LRRC1: variants seen among roughly 807,000 people sequenced by gnomAD.
LRRC1 encodes leucine rich repeat containing 1.
Under a neutral mutation model 69.9 loss-of-function variants are expected in LRRC1, and 28 were observed. The observed-to-expected ratio is 0.40, with a 90% CI of 0.30 to 0.55. The LOEUF (loss-of-function observed/expected upper bound fraction) is 0.55, where lower values mean the gene tolerates loss of function less well. Among genes scored for constraint, LRRC1 ranks in the 20% least tolerant of loss-of-function variants. LRRC1 has a pLI of 0.47. For synonymous variants in LRRC1, 236 were observed against 240.2 expected (o/e 0.98, Z 0.16); for missense variants, 498 against 609.0 (o/e 0.82, Z 1.92).
intron 2 of LRRC1, among the ~76,000 whole-genome samples, chr6:53,863,880 C>CAA (rs1320576065): frequency 2.0e-5 from 3 of 152,150 alleles, no homozygotes; most frequent in East Asian, 3.9e-4. Flanking sequence ...AACAACAGTC[C>CAA]TTTTAAGTAA....
At position 53,916,373 on chromosome 6, in the gene LRRC1, A is replaced by G. The variant is rs545963100; in HGVS notation, c.1106+2404A>G. Reference sequence around the variant, plus strand: ...AAATAATTAAAAATATTAAAAGACAAACAACAGCATACTGTTGTGGAATAC... The same window carrying G: ...AAATAATTAAAAATATTAAAAGACAGACAACAGCATACTGTTGTGGAATAC... On this transcript the variant is annotated intron_variant, in intron 11 of 13. Transcript: ENST00000370888. Among the ~76,000 whole-genome samples, 24 of 152,310 alleles carry G rather than the reference A, an allele frequency of 1.6e-4. No homozygotes were observed. The South Asian group carries it at 5.0e-3, about 32-fold the overall frequency.
intron 4 of LRRC1, among the ~76,000 whole-genome samples, chr6:53,890,227 T>C (rs1226295435): frequency 6.6e-6 from 1 of 152,234 alleles, no homozygotes; most frequent in Non-Finnish European, 1.5e-5. Flanking sequence ...TTAACTGAGT[T>C]GTCTTCTCCA....
chr6:53,795,252 C>T lies in LRRC1; in HGVS notation c.-5C>T. 1 of 1,600,452 alleles carries T rather than the reference C, an allele frequency of 6.2e-7. No individual in the cohort carries two copies. Among genetic ancestry groups the T allele is most frequent in the African/African-American group, 1.3e-5 (1 of 74,774 alleles). On this transcript the variant is annotated 5_prime_UTR_variant, in exon 1 of 14. Transcript: ENST00000370888. ...GGACCCGGCTAGGCGGCGGCGGGGG[C>T]GGCGATGTTCCACTGCATCCCCCTG...
At position 53,796,044 on chromosome 6, in the gene LRRC1, G is replaced by C. The variant is rs563419626; in HGVS notation, c.159+629G>C. 4.6e-5 allele frequency among the ~76,000 whole-genome samples: 7 copies of C among 152,364 alleles called. No individual in the cohort carries two copies. The South Asian group carries it at 1.4e-3, about 32-fold the overall frequency. ...GCTGGGCCTGGAGCGCTAGGGGCAG[G>C]TGCCCAGATGCCGGCCGCCCGGGCC... On this transcript the variant is annotated intron_variant, in intron 1 of 13. Transcript: ENST00000370888.
intron 13 of LRRC1, among the ~76,000 whole-genome samples, chr6:53,921,883 ACTT>A (rs751519504): frequency 5.8e-4 from 89 of 152,262 alleles, no homozygotes; most frequent in Admixed American, 1.3e-3. Flanking sequence ...TTACCTCAAG[ACTT>A]CTTAGAGTGT....
At chr6:53,901,665 T>C (rs1768060593) in intron 8 of LRRC1, among the ~76,000 whole-genome samples, 1 of 152,174 alleles carries the variant, frequency 6.6e-6, no homozygotes, top group Admixed American at 6.5e-5. Context: ...CCAGGAGACT[T>C]CTCTGTTGGG....
chr6:53,859,791 A>G (rs1282520064), intron 2 of LRRC1, among the ~76,000 whole-genome samples: 1 of 151,264 alleles, frequency 6.6e-6, no homozygotes, highest in African/African-American at 2.4e-5. Flanking sequence ...CTTTATAATT[A>G]AAAAAAAATC....
chr6:53,861,581 A>T (rs1766523399), intron 2 of LRRC1, among the ~76,000 whole-genome samples: 1 of 151,808 alleles, frequency 6.6e-6, no homozygotes, highest in Non-Finnish European at 1.5e-5. Context: ...CCTCTGGGAT[A>T]ACCAGTGGTT....
chr6:53,823,891 T>C (rs1765184717), intron 1 of LRRC1, among the ~76,000 whole-genome samples: 2 of 152,224 alleles, frequency 1.3e-5, no homozygotes, highest in African/African-American at 4.8e-5. Flanking sequence ...CAGTCTACCA[T>C]TGAGGGACAT....
intron 1 of LRRC1, among the ~76,000 whole-genome samples, chr6:53,800,497 C>T (rs941078157): frequency 9.9e-5 from 15 of 151,546 alleles, no homozygotes; most frequent in African/African-American, 3.4e-4. Context: ...AGTGATCTGC[C>T]TGCCTCCGTC....
chr6:53,892,011 T>TATATACACACACAC lies in LRRC1; in HGVS notation c.447-4486_447-4485insTATACACACACACA, dbSNP rs1428852703. 1.6e-3 allele frequency among the ~76,000 whole-genome samples: 221 copies of TATATACACACACAC among 135,366 alleles called. 1 individual carries two copies. Among genetic ancestry groups the TATATACACACACAC allele is most frequent in the Non-Finnish European group, 2.4e-3 (159 of 64,914 alleles). The allele number at this position is 135,366 out of a possible 152,430, so 88.8% of individuals were successfully genotyped here. A position where few individuals can be genotyped will look rare whatever the true frequency, so the allele number is the denominator to read the frequency against. On this transcript the variant is annotated intron_variant, in intron 4 of 13. Transcript: ENST00000370888. The stretch of plus-strand genomic sequence containing the variant: ...TGTCTAAAAAAAAAATATATATATA[T>TATATACACACACAC]ACACACACACACACACACACACACA...
chr6:53,922,484 A>C (rs1562077372), intron 13 of LRRC1, 151 bp from the exon 14 acceptor site: 5 of 609,614 alleles, frequency 8.2e-6, no homozygotes, highest in South Asian at 2.9e-5. Context: ...CAGTTGATGA[A>C]TGCACATACA....
intron 1 of LRRC1, among the ~76,000 whole-genome samples, chr6:53,829,633 G>A (rs1332733825): frequency 2.6e-5 from 4 of 151,476 alleles, no homozygotes; most frequent in Non-Finnish European, 4.4e-5. Flanking sequence ...GTCATGACAC[G>A]GGTGATCTTG....
intron 2 of LRRC1, among the ~76,000 whole-genome samples, chr6:53,861,935 A>G (rs1259603497): frequency 6.6e-6 from 1 of 152,190 alleles, no homozygotes; most frequent in Non-Finnish European, 1.5e-5. Context: ...GCACAGAGGG[A>G]TGGAAGCTGG....
chr6:53,882,729 T>G (rs892734687), intron 3 of LRRC1, among the ~76,000 whole-genome samples, 158 bp from the exon 4 acceptor site: 2 of 152,218 alleles, frequency 1.3e-5, no homozygotes, highest in African/African-American at 4.8e-5. Context: ...TACAAGCGTC[T>G]TATATATAGG....
intron 1 of LRRC1, among the ~76,000 whole-genome samples, chr6:53,797,675 G>T (rs1426550857): frequency 6.6e-6 from 1 of 152,146 alleles, no homozygotes; most frequent in African/African-American, 2.4e-5. Flanking sequence ...CAGCTTAAGG[G>T]GAAGCCGGTA....
At chr6:53,915,713 AC>A (rs1243496576) in intron 11 of LRRC1, among the ~76,000 whole-genome samples, 1 of 152,206 alleles carries the variant, frequency 6.6e-6, no homozygotes, top group East Asian at 1.9e-4. Flanking sequence ...GATGGAGAAA[AC>A]CCAATTAAAA....
At chr6:53,873,723 A>G (rs1268641689) in intron 2 of LRRC1, among the ~76,000 whole-genome samples, 4 of 152,166 alleles carry the variant, frequency 2.6e-5, no homozygotes, top group African/African-American at 9.7e-5. Context: ...TATGTCATCT[A>G]CAAACAAGGA....
At chr6:53,916,662 A>G (rs1768574035) in intron 11 of LRRC1, among the ~76,000 whole-genome samples, 2 of 152,250 alleles carry the variant, frequency 1.3e-5, no homozygotes, top group South Asian at 4.1e-4. Flanking sequence ...TATGTTCCCA[A>G]TTTATATATA....
Sources: gnomAD v4.1 joint callset for allele counts (sites outside exome capture counted in the v4.1 genomes callset) on GRCh38, gnomAD v4.1.1 for gene constraint, MANE v1.5 for transcripts, NCBI Gene and HGNC (gene_info 2026-07-23, HGNC 2026-07-21) for gene names.